The following POC1A variants were observed in gnomAD, a reference collection of about 807,000 sequenced individuals.
POC1A encodes POC1 centriolar protein homolog A.
In POC1A, 34 loss-of-function variants were observed where a neutral mutation model predicts 47.8. The observed-to-expected ratio is 0.71, with a 90% CI of 0.54 to 0.95. The LOEUF is 0.95. Ranked by LOEUF, POC1A falls within the 40% of genes least tolerant of loss-of-function variation. The pLI is 0.00. For missense variants in POC1A, 466 were observed against 528.3 expected, an observed-to-expected ratio of 0.88 and a Z score of 1.16; for synonymous variants, 177 against 207.6, an observed-to-expected ratio of 0.85 and a Z score of 1.27.
Position 52,084,409 on chromosome 3 carries a change from CCAA to C in POC1A, c.1126-8427_1126-8425del, listed in dbSNP as rs879595909. Among the ~76,000 whole-genome samples, 15 of 152,296 alleles carry C rather than the reference CCAA, an allele frequency of 9.8e-5. No homozygotes were observed. The highest frequency in any genetic ancestry group is 7.8e-4 in the Admixed American group (12 of 15,292). ...CACTCACGACCCGCCTTGGGGGCAG[CCAA>C]CAACATCATTCACTCCCATACCTCT... On this transcript the variant is annotated intron_variant, in intron 10 of 10. Coordinates refer to ENST00000296484, the MANE Select transcript of POC1A (RefSeq NM_015426.5). The surrounding 1 kb of genome is among the most constrained non-coding windows in gnomAD (Gnocchi z 4.3).
chr3:52,109,078 A>G (rs572495544), intron 9 of POC1A, among the ~76,000 whole-genome samples: 45 of 152,272 alleles, frequency 3.0e-4, no homozygotes, highest in African/African-American at 1.0e-3. Context: ...AAGCCCCCTC[A>G]GCTACTCCGC....
chr3:52,076,377 C>T (rs1180575540), intron 10 of POC1A, among the ~76,000 whole-genome samples: 2 of 152,168 alleles, frequency 1.3e-5, no homozygotes, highest in Non-Finnish European at 2.9e-5. Flanking sequence ...AGGCACTGTC[C>T]ATAAACAACT....
chr3:52,095,006 T>C (rs534632864), intron 10 of POC1A, among the ~76,000 whole-genome samples: 3 of 152,328 alleles, frequency 2.0e-5, no homozygotes, highest in Admixed American at 6.5e-5. Context: ...TGACAGGAAA[T>C]GTTTTTAGTG....
At chr3:52,117,565 T>C (rs550476557) in intron 9 of POC1A, among the ~76,000 whole-genome samples, 2 of 152,302 alleles carry the variant, frequency 1.3e-5, no homozygotes, top group South Asian at 2.1e-4. Context: ...ACCCAGGCTC[T>C]TAACCACAGA....
chr3:52,096,817 T>C (rs1332720570), intron 9 of POC1A, 105 bp from the exon 10 acceptor site: 9 of 1,060,772 alleles, frequency 8.5e-6, no homozygotes, highest in Non-Finnish European at 9.3e-6. Context: ...ACCAGCAAAT[T>C]TGAGAAGGTA....
intron 9 of POC1A, 31 bp from the exon 10 acceptor site, chr3:52,096,743 C>T (rs766899495): frequency 2.0e-6 from 3 of 1,529,718 alleles, no homozygotes; most frequent in Non-Finnish European, 2.6e-6. Flanking sequence ...GTTCCTCAGT[C>T]TATCCAGTGC....
intron 10 of POC1A, among the ~76,000 whole-genome samples, chr3:52,086,907 CTG>C (rs2106943147): frequency 6.6e-6 from 1 of 152,384 alleles, no homozygotes; most frequent in African/African-American, 2.4e-5. Context: ...CAGGTGCACA[CTG>C]AGTACTGACT....
In POC1A at chr3:52,119,004, G is replaced by GTTTTT. The variant is rs10662992; in HGVS notation, c.981+3370_981+3374dup. On this transcript the variant is annotated intron_variant, in intron 9 of 10. Coordinates refer to ENST00000296484, the MANE Select transcript of POC1A (RefSeq NM_015426.5). ...ACCAAGTAGTTGCTAAAGGCAAAAG[G>GTTTTT]TTTTTTTTTTTTGGTTGTTTACCAT... Among the ~76,000 whole-genome samples the GTTTTT allele has an allele frequency of 5.3e-3, 783 of 146,820 alleles. 7 individuals carry two copies. Among genetic ancestry groups the GTTTTT allele is most frequent in the African/African-American group, 0.018 (704 of 40,140 alleles).
At chr3:52,121,486 C>T (rs550631091) in intron 9 of POC1A, among the ~76,000 whole-genome samples, 2 of 152,316 alleles carry the variant, frequency 1.3e-5, no homozygotes, top group East Asian at 1.9e-4. Flanking sequence ...GGACACAAAA[C>T]GGGGGCATGT....
At chr3:52,130,338 A>G (rs1704165624) in intron 7 of POC1A, among the ~76,000 whole-genome samples, 1 of 152,182 alleles carries the variant, frequency 6.6e-6, no homozygotes, top group African/African-American at 2.4e-5. Context: ...AGAGACAACA[A>G]TCCAACCCAC....
intron 9 of POC1A, among the ~76,000 whole-genome samples, chr3:52,109,451 A>C (rs1203365250): frequency 6.6e-6 from 1 of 152,094 alleles, no homozygotes; most frequent in African/African-American, 2.4e-5. Context: ...TCCACAATAC[A>C]AAGGTTTTTG....
At chr3:52,132,577 C>T (rs1438841177) in intron 7 of POC1A, among the ~76,000 whole-genome samples, 2 of 152,172 alleles carry the variant, frequency 1.3e-5, no homozygotes, top group Non-Finnish European at 2.9e-5. Context: ...TCTGTCCACT[C>T]TCCTCTCAGG....
At chr3:52,107,596 T>C (rs1400135610) in intron 9 of POC1A, among the ~76,000 whole-genome samples, 2 of 152,226 alleles carry the variant, frequency 1.3e-5, no homozygotes, top group Non-Finnish European at 2.9e-5. Context: ...TAGGGTTACC[T>C]ACCCAATACC....
At chr3:52,087,989 A>G (rs1376030149) in intron 10 of POC1A, among the ~76,000 whole-genome samples, 1 of 152,238 alleles carries the variant, frequency 6.6e-6, no homozygotes, top group African/African-American at 2.4e-5. Context: ...AGGGCTGAGC[A>G]TGGGGTGTGG....
At chr3:52,143,827 G>A (rs577412215) in intron 6 of POC1A, among the ~76,000 whole-genome samples, 25 of 152,232 alleles carry the variant, frequency 1.6e-4, no homozygotes, top group African/African-American at 3.6e-4. Context: ...CTTAAATGAC[G>A]AGGCTAGTCC....
intron 9 of POC1A, among the ~76,000 whole-genome samples, chr3:52,110,653 C>T (rs1054442020): frequency 6.6e-6 from 1 of 152,162 alleles, no homozygotes; most frequent in African/African-American, 2.4e-5. Context: ...GATGATGGGG[C>T]TTTAGATTGC....
In POC1A at chr3:52,138,183, G is replaced by A; in HGVS notation, c.799C>T (p.Leu267Phe). The A allele has an allele frequency of 6.2e-7, 1 of 1,614,136 alleles. No homozygotes were observed. Among genetic ancestry groups the A allele is most frequent in the Non-Finnish European group, 8.5e-7 (1 of 1,179,998 alleles). ...ACACCTCTCACCTGATGCCCGTGGA[G>A]TGTGTAGAGCAGCCGGCCCTCCATC... ...DLMEGRLLYTLHGHQGPATTV... is the reference protein window; with the variant it reads ...DLMEGRLLYTFHGHQGPATTV... The change falls in exon 7 of 11, where the codon CTC becomes TTC. Residue 267 changes from leucine to phenylalanine, a missense_variant. Leu to Phe is a conservative substitution (Grantham distance 22). Transcript: ENST00000296484.
intron 9 of POC1A, among the ~76,000 whole-genome samples, chr3:52,119,894 T>C (rs1295145460): frequency 6.6e-6 from 1 of 152,174 alleles, no homozygotes; most frequent in Non-Finnish European, 1.5e-5. Context: ...GGCCAGTACA[T>C]GGACAGTGCT....
intron 6 of POC1A, among the ~76,000 whole-genome samples, chr3:52,143,671 T>C (rs1034322351): frequency 6.6e-6 from 1 of 151,834 alleles, no homozygotes; most frequent in Non-Finnish European, 1.5e-5. Flanking sequence ...CTGCAACCCA[T>C]CCCCCACTCT....
Sources: allele counts gnomAD v4.1 joint callset (sites outside exome capture counted in the v4.1 genomes callset), GRCh38; gene constraint gnomAD v4.1.1; non-coding constraint Gnocchi (gnomAD v3.1); transcripts MANE v1.5; gene names NCBI Gene and HGNC (gene_info 2026-07-23, HGNC 2026-07-21).